RAPGEF4: variants seen among roughly 807,000 people sequenced by gnomAD.
RAPGEF4 encodes the protein Rap guanine nucleotide exchange factor 4.
RAPGEF4 carries 66 observed loss-of-function variants against 147.9 expected under a neutral mutation model. The observed-to-expected ratio is 0.45, with a 90% CI of 0.37 to 0.55. RAPGEF4 has a LOEUF of 0.55. Ranked by LOEUF, RAPGEF4 falls within the 20% of genes least tolerant of loss-of-function variation. The pLI is 0.00. For synonymous variants in RAPGEF4, 419 were observed against 442.7 expected (o/e 0.95, Z 0.67); for missense variants, 1,071 against 1,257.3 (o/e 0.85, Z 2.24).
At chr2:172,772,268 T>C (rs570963721) in intron 1 of RAPGEF4, among the ~76,000 whole-genome samples, 15 of 152,230 alleles carry the variant, frequency 9.9e-5, no homozygotes, top group African/African-American at 3.4e-4. Flanking sequence ...GAGAATAAAA[T>C]GAATGTAGTT....
intron 18 of RAPGEF4, 66 bp from the exon 19 acceptor site, chr2:173,016,283 G>T: frequency 8.8e-7 from 1 of 1,130,250 alleles, no homozygotes; most frequent in Non-Finnish European, 1.3e-6. Context: ...CATCTTTATT[G>T]CTCTTGACAG....
chr2:172,786,460 A>G (rs1366104571), intron 1 of RAPGEF4, among the ~76,000 whole-genome samples: 1 of 152,236 alleles, frequency 6.6e-6, no homozygotes, highest in Non-Finnish European at 1.5e-5. Flanking sequence ...TACTGAGTGA[A>G]TAAATAAAAT....
At chr2:173,005,618 G>C (rs1216107931) in intron 17 of RAPGEF4, among the ~76,000 whole-genome samples, 1 of 147,268 alleles carries the variant, frequency 6.8e-6, no homozygotes, top group African/African-American at 2.5e-5. Context: ...CGCCTCCTGG[G>C]TTCAAGCAAT....
Position 172,969,350 on chromosome 2 carries a change from G to A in RAPGEF4, c.1004+1906G>A, listed in dbSNP as rs1002409019. 2.6e-5 allele frequency among the ~76,000 whole-genome samples: 4 copies of A among 152,234 alleles called. 1 individual carries two copies. The highest frequency in any genetic ancestry group is 7.2e-5 in the African/African-American group (3 of 41,468). On this transcript the variant is annotated intron_variant, in intron 10 of 30. Coordinates refer to ENST00000397081, the MANE Select transcript of RAPGEF4 (RefSeq NM_007023.4). ...GGCAGAGGATTAAGCAACTACTTATGCAAGCAATCATTTAATCACAGCTGC... is the reference window on the plus strand; with the variant it reads ...GGCAGAGGATTAAGCAACTACTTATACAAGCAATCATTTAATCACAGCTGC...
intron 1 of RAPGEF4, among the ~76,000 whole-genome samples, chr2:172,779,569 G>A (rs1559037183): frequency 6.6e-6 from 1 of 152,126 alleles, no homozygotes; most frequent in Non-Finnish European, 1.5e-5. Context: ...TGACTGAGGT[G>A]GGACATGGGG....
At chr2:172,961,362 C>A in intron 8 of RAPGEF4, 134 bp downstream of exon 8, 1 of 659,472 alleles carries the variant, frequency 1.5e-6, no homozygotes, top group Non-Finnish European at 2.6e-6. Flanking sequence ...GAAGGTTAGG[C>A]TTGTCTTACA....
intron 30 of RAPGEF4, among the ~76,000 whole-genome samples, chr2:173,050,893 A>G (rs1196563719): frequency 6.6e-6 from 1 of 151,856 alleles, no homozygotes; most frequent in Non-Finnish European, 1.5e-5. Flanking sequence ...GGCTTTCCTT[A>G]TTCATGTATG....
chr2:172,955,677 G>A (rs548060873), intron 6 of RAPGEF4, among the ~76,000 whole-genome samples: 1 of 152,298 alleles, frequency 6.6e-6, no homozygotes, highest in South Asian at 2.1e-4. Context: ...GTGTTTTCTG[G>A]CTATAGGGCC....
At chr2:172,937,969 T>C (rs2150119571) in intron 6 of RAPGEF4, among the ~76,000 whole-genome samples, 1 of 152,254 alleles carries the variant, frequency 6.6e-6, no homozygotes, top group Admixed American at 6.5e-5. Flanking sequence ...TATGCTTTGT[T>C]TTATTTTGTT....
intron 1 of RAPGEF4, among the ~76,000 whole-genome samples, chr2:172,754,996 T>G (rs892778956): frequency 6.6e-6 from 1 of 151,796 alleles, no homozygotes; most frequent in Non-Finnish European, 1.5e-5. Flanking sequence ...TGAGCCAAGA[T>G]CACACCACTG....
intron 1 of RAPGEF4, among the ~76,000 whole-genome samples, chr2:172,766,136 T>A (rs1025450398): frequency 6.6e-6 from 1 of 152,244 alleles, no homozygotes; most frequent in Non-Finnish European, 1.5e-5. Context: ...TATTTTTTTT[T>A]AAGTTCAGTT....
chr2:172,917,513 A>G (rs774595462), intron 4 of RAPGEF4: 1 of 637,692 alleles, frequency 1.6e-6, no homozygotes, highest in South Asian at 1.5e-5. Context: ...GGAGGGGTGC[A>G]GGGGGTGCTA....
At chr2:172,954,652 T>C (rs1434907655) in intron 6 of RAPGEF4, among the ~76,000 whole-genome samples, 1 of 152,174 alleles carries the variant, frequency 6.6e-6, no homozygotes, top group Non-Finnish European at 1.5e-5. Flanking sequence ...AGTGATGACA[T>C]TGATGATAAC....
At chr2:172,744,461 A>T (rs761058514) in intron 1 of RAPGEF4, 1 of 455,916 alleles carries the variant, frequency 2.2e-6, no homozygotes, top group South Asian at 1.6e-5. Flanking sequence ...GGTCATCTCT[A>T]GAGAGAAAAT....
chr2:172,810,180 A>G (rs1239450573), intron 3 of RAPGEF4, among the ~76,000 whole-genome samples: 1 of 152,228 alleles, frequency 6.6e-6, no homozygotes, highest in African/African-American at 2.4e-5. Context: ...CAGCTCTTCT[A>G]CTTACTAGCC....
chr2:172,866,698 G>C (rs74706192), intron 4 of RAPGEF4, among the ~76,000 whole-genome samples: 9,569 of 151,754 alleles, frequency 0.063, 361 homozygotes, highest in Middle Eastern at 0.096. Flanking sequence ...TCTGAGGGTG[G>C]GCCTGTTTTT....
chr2:173,034,873 AACACACACACAC>A (rs34646146), intron 27 of RAPGEF4, among the ~76,000 whole-genome samples: 5 of 140,844 alleles, frequency 3.6e-5, no homozygotes, highest in Non-Finnish European at 4.6e-5. Flanking sequence ...ACCCCGTCTC[AACACACACACAC>A]ACACACACAC....
chr2:172,965,187 T>C lies in RAPGEF4; in HGVS notation c.699-375T>C, dbSNP rs1388657037. ...GAGACTCAGGTGGAGAGAGTCAGTA[T>C]GTATTTTGCTTTGCCTCCATCTTGC... On this transcript the variant is annotated intron_variant, in intron 8 of 30. Transcript: ENST00000397081. 4 of 226,866 alleles carry C rather than the reference T, an allele frequency of 1.8e-5. No individual in the cohort carries two copies. In the East Asian group the frequency reaches 3.2e-4, roughly 18 times the overall value. The allele number at this position is 226,866 out of a possible 1,614,324, so 14.1% of individuals were successfully genotyped here.
intron 6 of RAPGEF4, among the ~76,000 whole-genome samples, chr2:172,956,477 T>TC (rs1266814760): frequency 1.3e-5 from 2 of 150,314 alleles, no homozygotes; most frequent in Non-Finnish European, 3.0e-5. Context: ...TTTTTCTTTT[T>TC]TTTTTTTTTT....
Sources: gnomAD v4.1 joint callset for allele counts (sites outside exome capture counted in the v4.1 genomes callset) on GRCh38, gnomAD v4.1.1 for gene constraint, MANE v1.5 for transcripts, NCBI Gene and HGNC (gene_info 2026-07-23, HGNC 2026-07-21) for gene names.